PUM1: variants seen among roughly 807,000 people sequenced by gnomAD.
PUM1 encodes pumilio RNA binding family member 1.
A neutral mutation model predicts 131.8 loss-of-function variants in PUM1; 13 were observed. The ratio of observed to expected loss-of-function variants is 0.10; its 90% CI spans 0.06 to 0.16. The LOEUF is 0.16. Among genes scored for constraint, PUM1 ranks in the 10% least tolerant of loss-of-function variants. PUM1 has a pLI of 1.00. For missense variants in PUM1, 961 were observed against 1,512.4 expected (o/e 0.64, Z 6.05); for synonymous variants, 509 against 556.5 (o/e 0.91, Z 1.20).
chr1:30,955,175 G>C (rs2124419792), intron 14 of PUM1, among the ~76,000 whole-genome samples: 1 of 151,862 alleles, frequency 6.6e-6, no homozygotes, highest in Non-Finnish European at 1.5e-5. Context: ...AAAATAACAG[G>C]CCAGGGACGG....
chr1:31,031,164 A>G (rs536472734), intron 2 of PUM1, among the ~76,000 whole-genome samples: 12 of 152,330 alleles, frequency 7.9e-5, no homozygotes, highest in Admixed American at 7.8e-4. Flanking sequence ...TACACGTTAT[A>G]TGAAATGATA....
chr1:30,974,534 C>T (rs548965703), intron 10 of PUM1, 117 bp downstream of exon 10: 2 of 1,025,356 alleles, frequency 2.0e-6, no homozygotes, highest in East Asian at 5.3e-5. Flanking sequence ...CACATATATA[C>T]ACACAAGAGG....
intron 21 of PUM1, among the ~76,000 whole-genome samples, chr1:30,934,347 A>G (rs1639107479): frequency 6.6e-6 from 1 of 152,222 alleles, no homozygotes; most frequent in Non-Finnish European, 1.5e-5. Context: ...CTGCACCTGC[A>G]TACATAAACG....
rs16834144 is a variant in PUM1 at position 30,932,019 on chromosome 1, C to T, written c.*1192G>A. ...ACAAATAAAACCAAGCTATTTTTTT[C>T]TTTTTAAACATTAACTAGGCTGTAT... On this transcript the variant is annotated 3_prime_UTR_variant, in exon 22 of 22. Coordinates refer to ENST00000426105, the MANE Select transcript of PUM1 (RefSeq NM_001020658.2). 11 of 152,412 alleles carry T rather than the reference C, an allele frequency of 7.2e-5. No homozygotes were observed. Among genetic ancestry groups the T allele is most frequent in the Non-Finnish European group, 1.5e-4 (10 of 67,956 alleles). The allele number at this position is 152,412 out of a possible 1,614,324, so 9.4% of individuals were successfully genotyped here.
chr1:31,003,134 GAATT>G (rs1187486925), intron 5 of PUM1, among the ~76,000 whole-genome samples: 1 of 152,106 alleles, frequency 6.6e-6, no homozygotes. Flanking sequence ...AGGCTTACTG[GAATT>G]AATGTTGATA....
chr1:30,967,794 T>C (rs1640685090), intron 11 of PUM1, among the ~76,000 whole-genome samples: 1 of 152,184 alleles, frequency 6.6e-6, no homozygotes, highest in African/African-American at 2.4e-5. Flanking sequence ...AAGACTTGTT[T>C]CACATGTAGA....
At chr1:30,992,709 G>A (rs1290996786) in intron 6 of PUM1, 49 bp from the exon 7 acceptor site, 1 of 1,541,256 alleles carries the variant, frequency 6.5e-7, no homozygotes, top group South Asian at 1.2e-5. Context: ...AGTGGGGAGG[G>A]ACTACAGCAA....
intron 3 of PUM1, among the ~76,000 whole-genome samples, chr1:31,016,664 A>G (rs1642829999): frequency 6.6e-6 from 1 of 152,148 alleles, no homozygotes; most frequent in Non-Finnish European, 1.5e-5. Flanking sequence ...AATTTTCTTC[A>G]TATTTCTCTA....
chr1:30,999,932 AT>A (rs1642143565), intron 5 of PUM1, among the ~76,000 whole-genome samples: 1 of 152,252 alleles, frequency 6.6e-6, no homozygotes, highest in African/African-American at 2.4e-5. Flanking sequence ...AAATACAAGT[AT>A]ACGGCCAATA....
chr1:31,006,731 C>A (rs989792739), intron 4 of PUM1, among the ~76,000 whole-genome samples: 3 of 152,190 alleles, frequency 2.0e-5, no homozygotes, highest in Admixed American at 1.3e-4. Context: ...CAGAACAAAA[C>A]GTTACAGCTG....
intron 18 of PUM1, among the ~76,000 whole-genome samples, chr1:30,942,833 C>G (rs571101489): frequency 6.6e-6 from 1 of 152,286 alleles, no homozygotes; most frequent in South Asian, 2.1e-4. Flanking sequence ...CTCACTGCAG[C>G]CTTGAGCTCT....
At chr1:30,981,225 G>T in intron 8 of PUM1, 87 bp downstream of exon 8, 1 of 816,578 alleles carries the variant, frequency 1.2e-6, no homozygotes, top group Non-Finnish European at 1.9e-6. Context: ...TTTATAATCA[G>T]TTTAAATTAC....
chr1:30,972,044 C>A (rs1640890913), intron 10 of PUM1, among the ~76,000 whole-genome samples: 1 of 151,552 alleles, frequency 6.6e-6, no homozygotes, highest in South Asian at 2.1e-4. Flanking sequence ...CACTGGAGGT[C>A]AGGAGTTCGA....
At position 30,945,358 on chromosome 1, in the gene PUM1, C is replaced by T. The variant is rs376903586; in HGVS notation, c.2982G>A (p.Ala994=). The stretch of plus-strand genomic sequence containing the variant: ...CTGGGTCACTTACCTGTCCCTTAAA[C>T]GCATCGATGATAAATTGCAAAGACT... ...QPQSLQFIID[A]FKGQVFALST... The change falls in exon 18 of 22, where the codon GCG becomes GCA. Residue 994 remains alanine (A), a synonymous_variant. Transcript: ENST00000426105. 27 of 1,614,146 alleles carry T rather than the reference C, an allele frequency of 1.7e-5. No individual in the cohort carries two copies. The highest frequency in any genetic ancestry group is 1.6e-4 in the African/African-American group (12 of 75,056).
chr1:31,050,480 GAA>G (rs1377272304), intron 2 of PUM1, among the ~76,000 whole-genome samples: 1 of 150,286 alleles, frequency 6.7e-6, no homozygotes, highest in African/African-American at 2.4e-5. Context: ...TCAAAAAAAA[GAA>G]AAAGTTATAG....
chr1:30,933,396 G>A lies in PUM1; in HGVS notation c.3436-54C>T, dbSNP rs1044567676. On this transcript the variant is annotated intron_variant, in intron 21 of 21. Coordinates refer to ENST00000426105, the MANE Select transcript of PUM1 (RefSeq NM_001020658.2). Reference sequence around the variant, plus strand: ...TGGCCTGAGATGAGACTTGGGGGCAGGCTTCCCGGACATGCATTTGCATGT... The same window carrying A: ...TGGCCTGAGATGAGACTTGGGGGCAAGCTTCCCGGACATGCATTTGCATGT... The A allele has an allele frequency of 4.5e-6, 7 of 1,563,380 alleles. No individual in the cohort carries two copies. The African/African-American group carries it at 6.8e-5, about 15-fold the overall frequency.
At chr1:30,966,376 T>C in intron 12 of PUM1, 98 bp from the exon 13 acceptor site, 1 of 1,206,616 alleles carries the variant, frequency 8.3e-7, no homozygotes, top group East Asian at 2.5e-5. Context: ...TAATGCTGCC[T>C]ATCTTTTCAA....
chr1:31,027,257 G>A (rs181965278), intron 3 of PUM1, among the ~76,000 whole-genome samples: 1 of 152,228 alleles, frequency 6.6e-6, no homozygotes. Flanking sequence ...ACAACATAGT[G>A]AGACTCTGTC....
chr1:31,007,429 A>G (rs1202286929), intron 3 of PUM1, among the ~76,000 whole-genome samples: 3 of 152,220 alleles, frequency 2.0e-5, no homozygotes, highest in Non-Finnish European at 4.4e-5. Context: ...TGACCCTATT[A>G]GCTAACTACT....
Sources: gnomAD v4.1 joint callset for allele counts (sites outside exome capture counted in the v4.1 genomes callset) on GRCh38, gnomAD v4.1.1 for gene constraint, MANE v1.5 for transcripts, NCBI Gene and HGNC (gene_info 2026-07-23, HGNC 2026-07-21) for gene names.